Variants in OTOGL observed in about 807,000 individuals in gnomAD.
OTOGL encodes the protein otogelin like.
A neutral mutation model predicts 318.5 loss-of-function variants in OTOGL; 285 were observed. The ratio of observed to expected loss-of-function variants is 0.89; its 90% CI spans 0.81 to 0.99. The LOEUF is 0.99. Ranked by LOEUF, OTOGL falls within the 50% of genes least tolerant of loss-of-function variation. OTOGL has a pLI of 0.00. For synonymous variants in OTOGL, 987 were observed against 936.5 expected (o/e 1.05, Z -0.99); for missense variants, 2,899 against 2,845.6 (o/e 1.02, Z -0.43).
chr12:80,259,574 T>A (rs1882355490), intron 18 of OTOGL, among the ~76,000 whole-genome samples: 2 of 151,760 alleles, frequency 1.3e-5, no homozygotes, highest in South Asian at 4.2e-4. Context: ...GATACTCCCC[T>A]CTCTGTGTCC....
intron 1 of OTOGL, among the ~76,000 whole-genome samples, chr12:80,109,369 G>A (rs1869689263): frequency 6.6e-6 from 1 of 152,028 alleles, no homozygotes; most frequent in Non-Finnish European, 1.5e-5. Flanking sequence ...TTCATTCGGG[G>A]AGAAATGTGG....
chr12:80,296,889 T>G lies in OTOGL; in HGVS notation c.2991T>G (p.Ile997Met). 1 of 1,534,554 alleles carries G rather than the reference T, an allele frequency of 6.5e-7. No individual in the cohort carries two copies. Among genetic ancestry groups the G allele is most frequent in the Non-Finnish European group, 8.8e-7 (1 of 1,141,932 alleles). ...ACAAGAAATGCTTTGACAACGATAT[T>G]GTTTGTTCTAAAAGTGTTTTGATTT... Reference protein sequence around the residue: ...AQNKKCFDNDIVCSKSVLISV... With the variant: ...AQNKKCFDNDMVCSKSVLISV... Residue 997 changes from isoleucine (I) to methionine (M), a missense_variant, in exon 27 of 59, where the codon ATT (isoleucine) becomes ATG (methionine). By Grantham distance (10) the Ile-to-Met change is conservative. Around this residue, in one of 3 missense-constraint regions of OTOGL, gnomAD observed 2,607 missense variants for 2,524.9 expected, o/e 1.03. Transcript: ENST00000547103.
chr12:80,274,341 T>G (rs1001127864), intron 24 of OTOGL, among the ~76,000 whole-genome samples: 2 of 152,038 alleles, frequency 1.3e-5, no homozygotes, highest in African/African-American at 4.8e-5. Context: ...GAGAAAGTTT[T>G]AGTAGTCTGG....
intron 9 of OTOGL, among the ~76,000 whole-genome samples, chr12:80,234,433 T>C (rs1314871088): frequency 6.6e-6 from 1 of 152,200 alleles, no homozygotes; most frequent in African/African-American, 2.4e-5. Context: ...TATGTTATGT[T>C]TTAAAGGATG....
At chr12:80,363,700 C>A (rs995135082) in intron 52 of OTOGL, among the ~76,000 whole-genome samples, 2 of 152,072 alleles carry the variant, frequency 1.3e-5, no homozygotes, top group Non-Finnish European at 2.9e-5. Flanking sequence ...TTGTAACCAG[C>A]CTCATTCAGA....
At chr12:80,286,813 T>G (rs1884663798) in intron 26 of OTOGL, among the ~76,000 whole-genome samples, 1 of 152,188 alleles carries the variant, frequency 6.6e-6, no homozygotes, top group South Asian at 2.1e-4. Context: ...TGGTCTGTTT[T>G]GTTAATCTTT....
chr12:80,132,395 G>A (rs1302498658), intron 1 of OTOGL: 2 of 151,848 alleles, frequency 1.3e-5, no homozygotes, highest in East Asian at 1.9e-4. Context: ...TGTACATATA[G>A]GCTTCATATC....
chr12:80,226,222 A>ACACACACACACT (rs1878838296), intron 7 of OTOGL, among the ~76,000 whole-genome samples: 1 of 142,982 alleles, frequency 7.0e-6, no homozygotes, highest in Non-Finnish European at 1.5e-5. Context: ...ACACACACAC[A>ACACACACACACT]CTTCCCTTCA....
At chr12:80,322,168 AG>A (rs1887379301) in intron 34 of OTOGL, among the ~76,000 whole-genome samples, 1 of 152,148 alleles carries the variant, frequency 6.6e-6, no homozygotes, top group Non-Finnish European at 1.5e-5. Context: ...AGGAGAACCA[AG>A]GGGAGAGCTG....
intron 35 of OTOGL, among the ~76,000 whole-genome samples, chr12:80,327,184 A>G (rs557080411): frequency 2.6e-5 from 4 of 152,296 alleles, no homozygotes; most frequent in Admixed American, 1.3e-4. Context: ...TTAAATGGAC[A>G]TAGAAAAATG....
At position 80,252,153 on chromosome 12, in the gene OTOGL, T is replaced by C. The variant is rs1358547238; in HGVS notation, c.1237T>C (p.Cys413Arg). The part of the protein sequence containing the change: ...CPPTCTFEKQ[C>R]LGSNLHCLDG... ...ACCAACCTGCACATTTGAGAAGCAA[T>C]GTCTTGGGAGCAATCTCCATTGTCT... The change falls in exon 13 of 59, where the codon TGT becomes CGT. Residue 413 changes from cysteine to arginine, a missense_variant. Physicochemically the swap from Cys to Arg is radical, Grantham distance 180. Around this residue, in one of 3 missense-constraint regions of OTOGL, gnomAD observed 2,607 missense variants for 2,524.9 expected, o/e 1.03. Coordinates refer to ENST00000547103, the MANE Select transcript of OTOGL (RefSeq NM_001378609.3). The C allele has an allele frequency of 1.9e-6, 3 of 1,588,796 alleles. No individual in the cohort carries two copies. The highest frequency in any genetic ancestry group is 2.6e-6 in the Non-Finnish European group (3 of 1,165,858).
At chr12:80,309,339 T>A (rs957985650) in intron 29 of OTOGL, among the ~76,000 whole-genome samples, 38 of 152,138 alleles carry the variant, frequency 2.5e-4, no homozygotes, top group Admixed American at 5.2e-4. Context: ...CAAGAAAGGT[T>A]CCTGGAGAAG....
Position 80,352,326 on chromosome 12 carries a change from G to C in OTOGL, c.5297G>C (p.Trp1766Ser), listed in dbSNP as rs766969718. 6.2e-7 allele frequency: 1 copy of C among 1,610,806 alleles called. No homozygotes were observed. Among genetic ancestry groups the C allele is most frequent in the East Asian group, 2.2e-5 (1 of 44,768 alleles). ...CCGGAAGACTTTTGTGAAAAGATGT[G>C]GATCAATTATACCTATTTTTGGAAC... Reference protein sequence around the residue: ...VSPEDFCEKMWINYTYFWNYE... With the variant: ...VSPEDFCEKMSINYTYFWNYE... Residue 1766 changes from tryptophan (W) to serine (S), a missense_variant, in exon 45 of 59, where the codon TGG becomes TCG. Around this residue, in one of 3 missense-constraint regions of OTOGL, gnomAD observed 2,607 missense variants for 2,524.9 expected, o/e 1.03. Coordinates refer to ENST00000547103, the MANE Select transcript of OTOGL (RefSeq NM_001378609.3).
Position 80,341,992 on chromosome 12 carries a change from G to T in OTOGL, c.5095G>T (p.Gly1699Cys). Reference protein sequence around the residue: ...DPDDDLRMQNGTIITNMEDIG... With the variant: ...DPDDDLRMQNCTIITNMEDIG... The stretch of plus-strand genomic sequence containing the variant: ...GGATGATGATCTAAGGATGCAAAAT[G>T]GCACAATTATTACAAATATGGAAGA... The change falls in exon 44 of 59, where the codon GGC becomes TGC. Residue 1699 changes from glycine to cysteine, a missense_variant. Transcript: ENST00000547103. 6.2e-7 allele frequency: 1 copy of T among 1,608,816 alleles called. No homozygotes were observed. The highest frequency in any genetic ancestry group is 8.5e-7 in the Non-Finnish European group (1 of 1,176,894).
At chr12:80,226,100 A>G (rs1878813012) in intron 7 of OTOGL, among the ~76,000 whole-genome samples, 1 of 151,172 alleles carries the variant, frequency 6.6e-6, no homozygotes, top group Non-Finnish European at 1.5e-5. Flanking sequence ...TTTATTTTTC[A>G]AAGTTAGGCC....
chr12:80,198,430 A>C (rs1306612404), intron 1 of OTOGL, among the ~76,000 whole-genome samples: 5 of 152,108 alleles, frequency 3.3e-5, no homozygotes, highest in Admixed American at 1.3e-4. Context: ...AATAAAATAC[A>C]AAAATTAGCT....
Position 80,261,980 on chromosome 12 carries a change from G to T in OTOGL, c.1901G>T (p.Gly634Val). 2.5e-6 allele frequency: 4 copies of T among 1,611,502 alleles called. No individual in the cohort carries two copies. Among genetic ancestry groups the T allele is most frequent in the Non-Finnish European group, 3.4e-6 (4 of 1,178,488 alleles). The change falls in exon 19 of 59, where the codon GGC becomes GTC. Residue 634 changes from glycine (G) to valine (V), a missense_variant. Gly to Val is a moderately radical substitution (Grantham distance 109, BLOSUM62 -3). Around this residue, in one of 3 missense-constraint regions of OTOGL, gnomAD observed 2,607 missense variants for 2,524.9 expected, o/e 1.03. Coordinates refer to ENST00000547103, the MANE Select transcript of OTOGL (RefSeq NM_001378609.3). ...NIRDDFLSPS[G>V]MIEGTPQLHA... ...TCTTTGCTTTCTAGTTCTCCATCAG[G>T]CATGATAGAAGGTACACCACAACTT... is the stretch of plus-strand genomic sequence containing the variant.
intron 26 of OTOGL, among the ~76,000 whole-genome samples, chr12:80,283,857 C>T (rs1884414887): frequency 6.6e-6 from 1 of 151,734 alleles, no homozygotes; most frequent in Non-Finnish European, 1.5e-5. Context: ...TTGGGCTCTG[C>T]CTTTTCTTTT....
chr12:80,175,513 A>G (rs1314680464), intron 1 of OTOGL, among the ~76,000 whole-genome samples: 3 of 152,216 alleles, frequency 2.0e-5, no homozygotes, highest in Non-Finnish European at 4.4e-5. Flanking sequence ...ACTCTTAGAT[A>G]TTACAGAGCA....
Sources: allele counts gnomAD v4.1 joint callset (sites outside exome capture counted in the v4.1 genomes callset), GRCh38; gene constraint gnomAD v4.1.1; regional missense constraint gnomAD v4.1.1; transcripts MANE v1.5; gene names NCBI Gene and HGNC (gene_info 2026-07-23, HGNC 2026-07-21).